JARID2: variants seen among roughly 807,000 people sequenced by gnomAD.
The protein encoded by JARID2 is protein Jumonji.
Under a neutral mutation model 125.6 loss-of-function variants are expected in JARID2, and 21 were observed. That is an observed-to-expected ratio of 0.17 (90% CI 0.12 to 0.24). The LOEUF (loss-of-function observed/expected upper bound fraction) is 0.24, where lower values mean the gene tolerates loss of function less well. JARID2 is among the 10% of genes least tolerant of loss of function. The pLI is 1.00. For missense variants in JARID2, 1,303 were observed against 1,639.6 expected, an observed-to-expected ratio of 0.79 and a Z score of 3.55; for synonymous variants, 736 against 661.6, an observed-to-expected ratio of 1.11 and a Z score of -1.73.
At chr6:15,477,216 C>T (rs539959471) in intron 5 of JARID2, among the ~76,000 whole-genome samples, 51 of 152,144 alleles carry the variant, frequency 3.4e-4, no homozygotes, top group African/African-American at 9.9e-4. Flanking sequence ...ATCATTTGGA[C>T]GAGTTTATCA....
At chr6:15,517,421 A>C (rs1432790170) in intron 17 of JARID2, among the ~76,000 whole-genome samples, 153 bp downstream of exon 17, 1 of 152,106 alleles carries the variant, frequency 6.6e-6, no homozygotes, top group Non-Finnish European at 1.5e-5. Flanking sequence ...CCCTAAACCC[A>C]TTCAGGCCCC....
intron 1 of JARID2, among the ~76,000 whole-genome samples, chr6:15,322,943 G>C (rs1393084467): frequency 6.6e-6 from 1 of 152,210 alleles, no homozygotes; most frequent in African/African-American, 2.4e-5. Context: ...TTAAACCAGA[G>C]AGAAAAATTC....
Position 15,376,719 on chromosome 6 carries a change from CTCTT to C in JARID2, c.181+2469_181+2472del, listed in dbSNP as rs1385654055. On this transcript the variant is annotated intron_variant, in intron 2 of 17. Transcript: ENST00000341776. ...AGCTTGGGCAACAGAGCGAGACTCT[CTCTT>C]TAAAAAATCATTATTTTCAAGGCAG... 4.6e-5 allele frequency among the ~76,000 whole-genome samples: 7 copies of C among 152,274 alleles called. No homozygotes were observed. The East Asian group carries it at 1.2e-3, about 25-fold the overall frequency.
rs76276061 is a variant in JARID2, at chr6:15,456,824, T to G, written c.493+4649T>G. ...GGTTACATAGTGATCCCTGTTGTTG[T>G]GGTACTTTAATAATTTTATTTCCAT... On this transcript the variant is annotated intron_variant, in intron 4 of 17. Coordinates refer to ENST00000341776, the MANE Select transcript of JARID2 (RefSeq NM_004973.4). 6.8e-3 allele frequency among the ~76,000 whole-genome samples: 1,024 copies of G among 151,554 alleles called. 12 individuals carry two copies. Among genetic ancestry groups the G allele is most frequent in the African/African-American group, 0.024 (976 of 41,244 alleles).
At position 15,521,166 on chromosome 6, in the gene JARID2, C is replaced by T. The variant is rs1771829726; in HGVS notation, c.*915C>T. On this transcript the variant is annotated 3_prime_UTR_variant, in exon 18 of 18. Transcript: ENST00000341776. ...AATCTTTCTAACATTCCATCTCCATCTCACCGCTTCTTGTTTGACACCTTC... is the reference window on the plus strand; with the variant it reads ...AATCTTTCTAACATTCCATCTCCATTTCACCGCTTCTTGTTTGACACCTTC... The T allele has an allele frequency of 6.3e-6, 1 of 158,258 alleles. No homozygotes were observed. The highest frequency in any genetic ancestry group is 1.6e-4 in the South Asian group (1 of 6,156). 9.8% of individuals were successfully genotyped at this position (158,258 alleles called of 1,614,324 possible).
Position 15,347,137 on chromosome 6 carries a change from CAT to C in JARID2, c.46-26979_46-26978del, listed in dbSNP as rs548084496. 3.6e-4 allele frequency among the ~76,000 whole-genome samples: 55 copies of C among 152,230 alleles called. 2 individuals carry two copies. Among genetic ancestry groups the C allele is most frequent in the African/African-American group, 1.3e-3 (55 of 41,536 alleles). The stretch of plus-strand genomic sequence containing the variant: ...TTTCGTGGTTAAGAACATGAGAACA[CAT>C]GTGAAGTAACTAAATATTCAGCAGC... On this transcript the variant is annotated intron_variant, in intron 1 of 17. Coordinates refer to ENST00000341776, the MANE Select transcript of JARID2 (RefSeq NM_004973.4).
At chr6:15,414,069 G>A (rs1381690853) in intron 3 of JARID2, among the ~76,000 whole-genome samples, 3 of 152,124 alleles carry the variant, frequency 2.0e-5, no homozygotes, top group Non-Finnish European at 4.4e-5. Context: ...ATCCTTTTAT[G>A]TGCATGATTT....
At chr6:15,438,629 C>CATTT (rs1561863125) in intron 3 of JARID2, among the ~76,000 whole-genome samples, 2 of 152,164 alleles carry the variant, frequency 1.3e-5, no homozygotes, top group Non-Finnish European at 2.9e-5. Context: ...AAATGTTATC[C>CATTT]TTTCTCTTCA....
chr6:15,500,839 G>T, intron 7 of JARID2, 68 bp from the exon 8 acceptor site: 1 of 1,383,864 alleles, frequency 7.2e-7, no homozygotes, highest in South Asian at 1.3e-5. Context: ...AGTACAGGTT[G>T]AATGAGGAAC....
At chr6:15,346,296 A>G (rs150172032) in intron 1 of JARID2, among the ~76,000 whole-genome samples, 3 of 152,330 alleles carry the variant, frequency 2.0e-5, no homozygotes, top group East Asian at 1.9e-4. Context: ...TCCAGTTAAC[A>G]CTAATGGCAA....
At chr6:15,252,454 A>G (rs1211469614) in intron 1 of JARID2, among the ~76,000 whole-genome samples, 1 of 152,188 alleles carries the variant, frequency 6.6e-6, no homozygotes, top group Non-Finnish European at 1.5e-5. Flanking sequence ...TGTCTGCTTC[A>G]TGCCATGTAA....
chr6:15,314,424 A>G (rs971852131), intron 1 of JARID2, among the ~76,000 whole-genome samples: 6 of 152,216 alleles, frequency 3.9e-5, no homozygotes, highest in African/African-American at 1.4e-4. Context: ...AGTGCCTGGC[A>G]TGTGGTACTT....
At chr6:15,436,614 C>T (rs914088479) in intron 3 of JARID2, among the ~76,000 whole-genome samples, 11 of 152,096 alleles carry the variant, frequency 7.2e-5, no homozygotes, top group South Asian at 2.1e-4. Flanking sequence ...CCAGGGGCCA[C>T]GCCCTTCCTC....
intron 4 of JARID2, among the ~76,000 whole-genome samples, chr6:15,458,206 A>G (rs1768277972): frequency 6.6e-6 from 1 of 152,206 alleles, no homozygotes; most frequent in Admixed American, 6.5e-5. Context: ...GACTATGATT[A>G]TTAACAGATT....
chr6:15,264,441 C>T (rs1042673677), intron 1 of JARID2, among the ~76,000 whole-genome samples: 3 of 152,134 alleles, frequency 2.0e-5, no homozygotes, highest in Admixed American at 6.5e-5. Flanking sequence ...TTCTCACACT[C>T]CAGTTTTTCT....
At chr6:15,375,902 A>G (rs1049992985) in intron 2 of JARID2, among the ~76,000 whole-genome samples, 1 of 152,224 alleles carries the variant, frequency 6.6e-6, no homozygotes, top group East Asian at 1.9e-4. Flanking sequence ...AAACACCCAT[A>G]TTTTCTTAAC....
chr6:15,283,593 G>C lies in JARID2; in HGVS notation c.45+37009G>C, dbSNP rs4715972. Among the ~76,000 whole-genome samples the C allele has an allele frequency of 2.4e-3, 351 of 147,760 alleles. 2 individuals carry two copies. Among genetic ancestry groups the C allele is most frequent in the African/African-American group, 8.4e-3 (338 of 40,420 alleles). On this transcript the variant is annotated intron_variant, in intron 1 of 17. Transcript: ENST00000341776. ...TGCCGACCTTGTGCTCCGCCCGCCT[G>C]GGCCTCCCAAAGTGCTGGGATTACA... is the stretch of plus-strand genomic sequence containing the variant.
intron 1 of JARID2, among the ~76,000 whole-genome samples, chr6:15,360,039 A>G (rs891750482): frequency 2.6e-5 from 4 of 152,066 alleles, no homozygotes; most frequent in Non-Finnish European, 5.9e-5. Context: ...CCAAAACCTC[A>G]TCTCTTATGA....
intron 4 of JARID2, among the ~76,000 whole-genome samples, chr6:15,462,066 G>C (rs1322361025): frequency 6.6e-6 from 1 of 152,108 alleles, no homozygotes; most frequent in Non-Finnish European, 1.5e-5. Flanking sequence ...GACATTAAGT[G>C]AACGTTTTAC....
Sources: allele counts gnomAD v4.1 joint callset (sites outside exome capture counted in the v4.1 genomes callset), GRCh38; gene constraint gnomAD v4.1.1; transcripts MANE v1.5; gene names NCBI Gene and HGNC (gene_info 2026-07-23, HGNC 2026-07-21).